PCNX2: variants seen among roughly 807,000 people sequenced by gnomAD.
PCNX2 encodes pecanex-like protein 2.
PCNX2 carries 168 observed loss-of-function variants against 223.8 expected under a neutral mutation model. The ratio of observed to expected loss-of-function variants is 0.75; its 90% CI spans 0.66 to 0.85. PCNX2 has a LOEUF of 0.85. PCNX2 is among the 40% of genes least tolerant of loss of function. The pLI is 0.00. For missense variants in PCNX2, 2,507 were observed against 2,675.5 expected (o/e 0.94, Z 1.39); for synonymous variants, 1,006 against 1,052.6 (o/e 0.96, Z 0.86).
intron 9 of PCNX2, among the ~76,000 whole-genome samples, chr1:233,236,639 A>C (rs753261490): frequency 6.6e-6 from 1 of 152,228 alleles, no homozygotes; most frequent in Non-Finnish European, 1.5e-5. Context: ...CAATCCTGTT[A>C]ATATCAACCC....
At chr1:233,316,528 G>A in the PCNX2 span, among the ~76,000 whole-genome samples, 6 of 152,196 alleles carry the variant, frequency 3.9e-5, no homozygotes, top group Admixed American at 1.3e-4. Flanking sequence ...AAGCTCACAA[G>A]ACCTTCAAAA....
At chr1:233,216,846 A>G (rs1000341297) in intron 12 of PCNX2, among the ~76,000 whole-genome samples, 9 of 151,564 alleles carry the variant, frequency 5.9e-5, no homozygotes, top group South Asian at 2.1e-4. Context: ...AAGATGTGGT[A>G]TATATATATA....
intron 30 of PCNX2, 52 bp from the exon 31 acceptor site, chr1:232,999,431 G>A (rs1458713400): frequency 6.3e-5 from 85 of 1,350,968 alleles, no homozygotes; most frequent in Non-Finnish European, 8.3e-5. Flanking sequence ...GTGTTTTCCA[G>A]TCTATTGGTT....
At chr1:233,187,772 A>T (rs1680189090) in intron 15 of PCNX2, among the ~76,000 whole-genome samples, 1 of 152,112 alleles carries the variant, frequency 6.6e-6, no homozygotes, top group Admixed American at 6.5e-5. Flanking sequence ...GCTGGCTGAG[A>T]TCGGTTTCCC....
At chr1:233,062,823 A>T (rs544041024) in intron 23 of PCNX2, among the ~76,000 whole-genome samples, 5 of 152,386 alleles carry the variant, frequency 3.3e-5, no homozygotes, top group Non-Finnish European at 5.9e-5. Context: ...ACAATTCTAC[A>T]GAATCAGAAA....
chr1:233,007,780 T>C (rs149747919), intron 28 of PCNX2, among the ~76,000 whole-genome samples: 1,850 of 151,504 alleles, frequency 0.012, 49 homozygotes, highest in African/African-American at 0.042. Context: ...CCTCAAGAGA[T>C]CCACCCACCT....
At chr1:233,148,619 C>A (rs984318633) in intron 19 of PCNX2, among the ~76,000 whole-genome samples, 1 of 152,010 alleles carries the variant, frequency 6.6e-6, no homozygotes, top group African/African-American at 2.4e-5. Flanking sequence ...CCAGGCTGGC[C>A]TTGAGCTCCT....
At chr1:233,200,061 C>A in intron 14 of PCNX2, 93 bp downstream of exon 14, 1 of 1,029,664 alleles carries the variant, frequency 9.7e-7, no homozygotes, top group Non-Finnish European at 1.4e-6. Flanking sequence ...ACAAAGAAAA[C>A]CTAACTAGCC....
intron 23 of PCNX2, among the ~76,000 whole-genome samples, chr1:233,062,123 C>T (rs1672429084): frequency 6.6e-6 from 1 of 152,134 alleles, no homozygotes; most frequent in Admixed American, 6.5e-5. Flanking sequence ...GTTGTAAACA[C>T]CTAGCATGTC....
intron 28 of PCNX2, among the ~76,000 whole-genome samples, chr1:233,002,230 C>A (rs932854186): frequency 2.0e-5 from 3 of 151,676 alleles, no homozygotes; most frequent in African/African-American, 7.3e-5. Context: ...TTTCCCAATC[C>A]CACCATTTTT....
the PCNX2 span, among the ~76,000 whole-genome samples, chr1:233,316,485 A>G: frequency 6.6e-6 from 1 of 152,226 alleles, no homozygotes; most frequent in Non-Finnish European, 1.5e-5. Flanking sequence ...AATGAACCAG[A>G]GAAGCAGAGT....
intron 1 of PCNX2, among the ~76,000 whole-genome samples, chr1:233,294,896 GA>G (rs370146432): frequency 7.0e-4 from 106 of 152,170 alleles, no homozygotes; most frequent in African/African-American, 2.3e-3. Flanking sequence ...GGTGAGGGGG[GA>G]AAAAGGGGAC....
At chr1:233,116,654 T>C (rs1028055431) in intron 21 of PCNX2, among the ~76,000 whole-genome samples, 2 of 151,996 alleles carry the variant, frequency 1.3e-5, no homozygotes, top group Non-Finnish European at 2.9e-5. Context: ...GCTAAAGCAG[T>C]GCACAGAAGG....
chr1:233,231,996 G>A (rs1658091298), intron 9 of PCNX2, among the ~76,000 whole-genome samples: 1 of 152,142 alleles, frequency 6.6e-6, no homozygotes, highest in Admixed American at 6.6e-5. Context: ...AAATATGAGA[G>A]TACCTAGCCC....
rs146405589 is a variant in PCNX2 at position 233,137,542 on chromosome 1, G to A, written c.3659+2172C>T. Among the ~76,000 whole-genome samples, 485 of 152,282 alleles carry A rather than the reference G, an allele frequency of 3.2e-3. 4 individuals are homozygous for A. Among genetic ancestry groups the A allele is most frequent in the African/African-American group, 0.011 (463 of 41,554 alleles). ...TATTTAGAAGTTCGGTGATGTTTTT[G>A]TGACCAGAAATACGCTATGGAACAT... On this transcript the variant is annotated intron_variant, in intron 20 of 33. Coordinates refer to ENST00000258229, the MANE Select transcript of PCNX2 (RefSeq NM_014801.4).
chr1:233,185,193 A>G (rs1680025042), intron 15 of PCNX2, among the ~76,000 whole-genome samples: 1 of 151,950 alleles, frequency 6.6e-6, no homozygotes, highest in Non-Finnish European at 1.5e-5. Context: ...CTTGATTATC[A>G]ACATCATGGG....
intron 21 of PCNX2, among the ~76,000 whole-genome samples, chr1:233,106,648 G>T (rs1034234795): frequency 6.6e-6 from 1 of 152,040 alleles, no homozygotes; most frequent in African/African-American, 2.4e-5. Flanking sequence ...CCTCTTAAAG[G>T]TCTTATAATC....
chr1:233,049,757 A>C (rs1199230646), intron 25 of PCNX2, among the ~76,000 whole-genome samples: 1 of 152,180 alleles, frequency 6.6e-6, no homozygotes, highest in Non-Finnish European at 1.5e-5. Context: ...TAACTTCAGG[A>C]AAGTTTCAGG....
chr1:233,275,297 C>T (rs1202510020), intron 1 of PCNX2, among the ~76,000 whole-genome samples: 2 of 151,972 alleles, frequency 1.3e-5, no homozygotes, highest in Non-Finnish European at 2.9e-5. Flanking sequence ...CTGCCTCCTG[C>T]GTTCAAGTGA....
Sources: allele counts gnomAD v4.1 joint callset (sites outside exome capture counted in the v4.1 genomes callset), GRCh38; gene constraint gnomAD v4.1.1; transcripts MANE v1.5; gene names NCBI Gene and HGNC (gene_info 2026-07-23, HGNC 2026-07-21).